The following PTPRA variants were observed in gnomAD, a reference collection of about 807,000 sequenced individuals.
PTPRA encodes the protein protein tyrosine phosphatase receptor type A.
Under a neutral mutation model 104.8 loss-of-function variants are expected in PTPRA, and 25 were observed. The observed-to-expected ratio is 0.24, with a 90% confidence interval of 0.17 to 0.33. PTPRA has a LOEUF of 0.33. PTPRA is among the 10% of genes least tolerant of loss of function. PTPRA has a pLI of 1.00. For synonymous variants in PTPRA, 323 were observed against 368.9 expected (o/e 0.88, Z 1.43); for missense variants, 765 against 1,015.3 (o/e 0.75, Z 3.35).
At chr20:2,870,424 G>T (rs926822554), upstream of PTPRA, among the ~76,000 whole-genome samples, 1 of 151,694 alleles carries the variant, frequency 6.6e-6, no homozygotes, top group Non-Finnish European at 1.5e-5. Context: ...AAAGGGACTT[G>T]GCTCTCATTT....
At chr20:3,011,406 A>C (rs1370125792) in intron 11 of PTPRA, among the ~76,000 whole-genome samples, 2 of 152,234 alleles carry the variant, frequency 1.3e-5, no homozygotes, top group African/African-American at 2.4e-5. Context: ...CATATACTAC[A>C]CAGGTAGTTA....
At chr20:3,015,938 G>A in intron 12 of PTPRA, 53 bp downstream of exon 12, 12 of 1,507,686 alleles carry the variant, frequency 8.0e-6, no homozygotes, top group Non-Finnish European at 1.1e-5. Context: ...CACATAATGG[G>A]TTTGGTTTTT....
chr20:2,910,367 A>AAATG (rs1276521955), intron 1 of PTPRA, among the ~76,000 whole-genome samples: 6 of 85,178 alleles, frequency 7.0e-5, no homozygotes, highest in African/African-American at 2.8e-4. Context: ...TTTATATATA[A>AAATG]TATATTTTGT....
chr20:3,023,925 T>G (rs1367364097), intron 16 of PTPRA, among the ~76,000 whole-genome samples: 5 of 152,216 alleles, frequency 3.3e-5, no homozygotes, highest in Non-Finnish European at 7.3e-5. Context: ...AAATTATGTA[T>G]TCAAAGAAAT....
intron 3 of PTPRA, among the ~76,000 whole-genome samples, chr20:2,955,057 A>G (rs1341575530): frequency 6.6e-6 from 1 of 152,194 alleles, no homozygotes; most frequent in African/African-American, 2.4e-5. Flanking sequence ...CTCTGCTAAT[A>G]CTGTCTTAAA....
rs11477373 is a variant in PTPRA at position 2,921,322 on chromosome 20, C to CTTT, written c.-128-1867_-128-1865dup. Among the ~76,000 whole-genome samples, 44 of 103,926 alleles carry CTTT rather than the reference C, an allele frequency of 4.2e-4. 1 individual carries two copies. The East Asian group carries it at 7.5e-3, about 18-fold the overall frequency. The allele number at this position is 103,926 out of a possible 152,430, so 68.2% of individuals were successfully genotyped here. On this transcript the variant is annotated intron_variant, in intron 1 of 23. Transcript: ENST00000399903. The stretch of plus-strand genomic sequence containing the variant: ...TATTTCCTTAGTACCTGGGAATGCG[C>CTTT]TTTTTTTTTTTTTTTTTTTTGAAGA...
At chr20:3,000,459 G>A (rs2063579077) in intron 9 of PTPRA, among the ~76,000 whole-genome samples, 1 of 152,096 alleles carries the variant, frequency 6.6e-6, no homozygotes, top group Non-Finnish European at 1.5e-5. Context: ...ATAAGCATAC[G>A]GAACTGGAAC....
chr20:2,904,270 A>G (rs1399149342), intron 1 of PTPRA, among the ~76,000 whole-genome samples: 1 of 152,160 alleles, frequency 6.6e-6, no homozygotes, highest in Non-Finnish European at 1.5e-5. Context: ...AATTTTTAAA[A>G]TTTTTAAATG....
At chr20:2,989,866 A>C (rs924684126) in intron 9 of PTPRA, among the ~76,000 whole-genome samples, 1 of 151,978 alleles carries the variant, frequency 6.6e-6, no homozygotes, top group African/African-American at 2.4e-5. Flanking sequence ...AAATACAAAA[A>C]ATTAGCTGGG....
intron 6 of PTPRA, among the ~76,000 whole-genome samples, chr20:2,979,666 A>T (rs1016296653): frequency 2.0e-5 from 3 of 151,948 alleles, no homozygotes; most frequent in Non-Finnish European, 4.4e-5. Flanking sequence ...AGCTGGGACT[A>T]TAGGCATATG....
intron 9 of PTPRA, among the ~76,000 whole-genome samples, chr20:3,002,508 A>G (rs2063681000): frequency 6.6e-6 from 1 of 151,884 alleles, no homozygotes; most frequent in Non-Finnish European, 1.5e-5. Context: ...TTGTATTTTT[A>G]GTAGAGATGG....
intron 20 of PTPRA, among the ~76,000 whole-genome samples, chr20:3,033,305 G>A (rs1034652856): frequency 1.3e-5 from 2 of 151,874 alleles, no homozygotes; most frequent in Non-Finnish European, 2.9e-5. Context: ...AGTTGCTCAT[G>A]TCTAAAATCC....
At chr20:2,937,305 A>T (rs917456732) in intron 2 of PTPRA, among the ~76,000 whole-genome samples, 1 of 151,788 alleles carries the variant, frequency 6.6e-6, no homozygotes, top group Non-Finnish European at 1.5e-5. Flanking sequence ...TTGTATTTTT[A>T]GTAGAGATGA....
intron 6 of PTPRA, among the ~76,000 whole-genome samples, chr20:2,982,758 G>A (rs867419051): frequency 4.6e-5 from 7 of 151,340 alleles, no homozygotes; most frequent in Non-Finnish European, 8.8e-5. Flanking sequence ...GTGCAGTGGC[G>A]CAATCTCGGC....
At chr20:2,870,750 T>C (rs138683840), upstream of PTPRA, among the ~76,000 whole-genome samples, 499 of 152,272 alleles carry the variant, frequency 3.3e-3, 4 homozygotes, top group African/African-American at 0.011. Flanking sequence ...TCTCCTTTGC[T>C]CATAAACCCT....
At position 2,991,258 on chromosome 20, in the gene PTPRA, C is replaced by G. The variant is rs139451689; in HGVS notation, c.738+2784C>G. Among the ~76,000 whole-genome samples the G allele has an allele frequency of 7.2e-3, 1,098 of 151,746 alleles. 12 individuals are homozygous for G. Among genetic ancestry groups the G allele is most frequent in the African/African-American group, 0.024 (1,006 of 41,356 alleles). On this transcript the variant is annotated intron_variant, in intron 9 of 23. Coordinates refer to ENST00000399903, the MANE Select transcript of PTPRA (RefSeq NM_001385305.1). ...CCTGTAATCCCAGCTACTTGGAAGT[C>G]TGAGGCTGAGGCAGGAGAATTGCTT...
intron 6 of PTPRA, among the ~76,000 whole-genome samples, chr20:2,982,175 C>T (rs975707776): frequency 6.6e-6 from 1 of 151,172 alleles, no homozygotes; most frequent in Admixed American, 6.6e-5. Context: ...ACTGAAACCT[C>T]CGCCTCCTGG....
intron 1 of PTPRA, among the ~76,000 whole-genome samples, chr20:2,909,810 TATAAG>T (rs1299212215): frequency 3.9e-5 from 5 of 127,104 alleles, no homozygotes; most frequent in Admixed American, 9.9e-5. Context: ...ATATATATAA[TATAAG>T]ATAATATATA....
chr20:3,030,992 A>G (rs2065426999), intron 20 of PTPRA, among the ~76,000 whole-genome samples: 1 of 151,970 alleles, frequency 6.6e-6, no homozygotes, highest in Non-Finnish European at 1.5e-5. Context: ...CTTCTGCTCT[A>G]TTTTAATCAA....
Sources: allele counts gnomAD v4.1 joint callset (sites outside exome capture counted in the v4.1 genomes callset), GRCh38; gene constraint gnomAD v4.1.1; transcripts MANE v1.5; gene names NCBI Gene and HGNC (gene_info 2026-07-23, HGNC 2026-07-21).